The following ELFN2 variants were observed in gnomAD, a reference collection of about 807,000 sequenced individuals.
ELFN2 encodes the protein protein phosphatase 1 regulatory subunit 29.
ELFN2 carries 17 observed loss-of-function variants against 45.5 expected under a neutral mutation model. The observed-to-expected ratio is 0.37, with a 90% CI of 0.26 to 0.56. The LOEUF (loss-of-function observed/expected upper bound fraction) is 0.56. ELFN2 is among the 20% of genes least tolerant of loss of function. The pLI, the probability that ELFN2 is intolerant of heterozygous loss-of-function variation, is 0.77. For synonymous variants in ELFN2, 550 were observed against 551.5 expected (o/e 1.00, Z 0.04); for missense variants, 922 against 1,183.2 (o/e 0.78, Z 3.24).
At chr22:37,418,162 G>A (rs1932780652) in intron 1 of ELFN2, among the ~76,000 whole-genome samples, 1 of 152,102 alleles carries the variant, frequency 6.6e-6, no homozygotes, top group African/African-American at 2.4e-5. Flanking sequence ...GACAGAGATA[G>A]AGAGATGGGG....
In ELFN2 at chr22:37,417,991, G is replaced by A. The variant is rs1288557847; in HGVS notation, c.-613-72C>T. 2 of 152,348 alleles carry A rather than the reference G, an allele frequency of 1.3e-5. No homozygotes were observed. Among genetic ancestry groups the A allele is most frequent in the Non-Finnish European group, 2.9e-5 (2 of 68,140 alleles). 9.4% of individuals were successfully genotyped at this position (152,348 alleles called of 1,614,324 possible). ...AGGAGAGGGAGGGGGGACAGCAGGAGGGAGGGAGGAGGGAAAAATGCTGAA... is the reference window on the plus strand; with the variant it reads ...AGGAGAGGGAGGGGGGACAGCAGGAAGGAGGGAGGAGGGAAAAATGCTGAA... On this transcript the variant is annotated intron_variant, in intron 1 of 2. Coordinates refer to ENST00000402918, the MANE Select transcript of ELFN2 (RefSeq NM_052906.5). The surrounding 1 kb of genome is among the most constrained non-coding windows in gnomAD (Gnocchi z 4.5).
intron 1 of ELFN2, among the ~76,000 whole-genome samples, chr22:37,421,268 G>A (rs774753574): frequency 1.3e-5 from 2 of 152,126 alleles, no homozygotes; most frequent in Non-Finnish European, 2.9e-5. Flanking sequence ...CCCCACCCAG[G>A]GGTAGGCAGG....
At chr22:37,352,335 T>TG in intron 1 of ELFN2, 1 of 150,990 alleles carries the variant, frequency 6.6e-6, no homozygotes, top group East Asian at 1.9e-4. Context: ...CAGCAGCCTT[T>TG]GGGGAACCGT....
rs549582968 is a variant in ELFN2, at chr22:37,370,990, G to A, written c.*2082C>T. 1.3e-5 allele frequency: 2 copies of A among 151,968 alleles called. No individual in the cohort carries two copies. The highest frequency in any genetic ancestry group is 6.5e-5 in the Admixed American group (1 of 15,288). 9.4% of individuals were successfully genotyped at this position (151,968 alleles called of 1,614,324 possible). ...GGAGGGGTTGGGGGGCAGGTTTTGG[G>A]GGCCGGGGGAGGAGGTCTGCTCCGC... is the stretch of plus-strand genomic sequence containing the variant. On this transcript the variant is annotated 3_prime_UTR_variant, in exon 3 of 3. Coordinates refer to ENST00000402918, the MANE Select transcript of ELFN2 (RefSeq NM_052906.5).
At chr22:37,356,575 G>A (rs1371081518) in intron 1 of ELFN2, among the ~76,000 whole-genome samples, 2 of 152,148 alleles carry the variant, frequency 1.3e-5, no homozygotes, top group African/African-American at 2.4e-5. Flanking sequence ...AGGCGTGAAC[G>A]TCTTTCCTCT....
chr22:37,403,600 G>A (rs1932420497), intron 2 of ELFN2, among the ~76,000 whole-genome samples: 2 of 152,110 alleles, frequency 1.3e-5, no homozygotes, highest in Non-Finnish European at 2.9e-5. Context: ...GCGGCCTCGG[G>A]GTCTAGCGAG....
At chr22:37,360,413 C>T (rs530764344) in intron 1 of ELFN2, among the ~76,000 whole-genome samples, 52 of 152,338 alleles carry the variant, frequency 3.4e-4, no homozygotes, top group Middle Eastern at 3.4e-3. Context: ...AGAACTCAAA[C>T]GGCCTCATGC....
At chr22:37,376,103 G>A (rs976774499) in intron 2 of ELFN2, 107 bp from the exon 3 acceptor site, 1 of 140,478 alleles carries the variant, frequency 7.1e-6, no homozygotes, top group Admixed American at 7.4e-5. Context: ...CCCGTCCCAG[G>A]GCCTCTGTGC....
intron 2 of ELFN2, among the ~76,000 whole-genome samples, chr22:37,394,164 G>A (rs73884028): frequency 0.024 from 3,698 of 152,160 alleles, 150 homozygotes; most frequent in African/African-American, 0.084. Flanking sequence ...TCCAAATTAT[G>A]TCTGACTCCA....
intron 1 of ELFN2, among the ~76,000 whole-genome samples, chr22:37,351,101 C>G (rs1029158017): frequency 6.7e-6 from 1 of 150,202 alleles, no homozygotes; most frequent in African/African-American, 2.4e-5. Flanking sequence ...TCCTCCCTTG[C>G]GGTCCCCTGG....
intron 2 of ELFN2, among the ~76,000 whole-genome samples, chr22:37,403,845 A>G (rs1264041742): frequency 6.6e-6 from 1 of 152,216 alleles, no homozygotes; most frequent in Non-Finnish European, 1.5e-5. Flanking sequence ...AGAATGAGAG[A>G]GCCTTGGGTT....
intron 2 of ELFN2, among the ~76,000 whole-genome samples, chr22:37,401,168 A>AG (rs1205465650): frequency 1.3e-5 from 2 of 152,240 alleles, no homozygotes; most frequent in African/African-American, 4.8e-5. Flanking sequence ...CCTAGCTCTC[A>AG]GGCCTATTGG....
At chr22:37,395,411 T>C (rs912570219) in intron 2 of ELFN2, among the ~76,000 whole-genome samples, 2 of 152,162 alleles carry the variant, frequency 1.3e-5, no homozygotes, top group Non-Finnish European at 2.9e-5. Context: ...ACTGTTATTC[T>C]ACCCATCTGA....
chr22:37,376,879 T>C (rs969285638), intron 2 of ELFN2, among the ~76,000 whole-genome samples: 4 of 152,170 alleles, frequency 2.6e-5, no homozygotes, highest in Admixed American at 6.5e-5. Flanking sequence ...CTTCCATGGC[T>C]GGAGAGTCAG....
intron 2 of ELFN2, among the ~76,000 whole-genome samples, chr22:37,391,133 C>A (rs187832684): frequency 5.3e-5 from 8 of 152,320 alleles, no homozygotes; most frequent in Non-Finnish European, 1.0e-4. Context: ...CTGGTTGGGG[C>A]TCTGGTGGGG....
chr22:37,358,220 G>T (rs531803071), intron 1 of ELFN2, among the ~76,000 whole-genome samples: 1 of 152,226 alleles, frequency 6.6e-6, no homozygotes, highest in Admixed American at 6.5e-5. Context: ...CCTAGAAACA[G>T]CTTTGTCACT....
At chr22:37,384,875 A>T (rs1931902561) in intron 2 of ELFN2, 1 of 150,802 alleles carries the variant, frequency 6.6e-6, no homozygotes, top group Admixed American at 6.6e-5. Flanking sequence ...CCGCTCTTTC[A>T]CCAGTGCCTG....
In ELFN2 at chr22:37,405,595, G is replaced by A. The variant is rs555682604; in HGVS notation, c.-463+12174C>T. 2.1e-4 allele frequency among the ~76,000 whole-genome samples: 32 copies of A among 152,230 alleles called. No homozygotes were observed. The South Asian group carries it at 6.4e-3, about 31-fold the overall frequency. On this transcript the variant is annotated intron_variant, in intron 2 of 2. Coordinates refer to ENST00000402918, the MANE Select transcript of ELFN2 (RefSeq NM_052906.5). The stretch of plus-strand genomic sequence containing the variant: ...AGTGACCCAAGAAGGGGGATGTGCT[G>A]ATGCCCGAATAAGAAACAAGAAAGA...
At position 37,350,534 on chromosome 22, in the gene ELFN2, C is replaced by T. The variant is rs1387305004; in HGVS notation, n.149-7831G>A. On this transcript the variant is annotated intron_variant and non_coding_transcript_variant, in intron 1 of 2. Transcript: ENST00000452946. ...TAGAGACAGCCGCAGGCCCTATCCC[C>T]TCTTTCCCTGCCTCCCCACCGCAGG... 3.3e-5 allele frequency among the ~76,000 whole-genome samples: 5 copies of T among 150,670 alleles called. 1 individual carries two copies. The highest frequency in any genetic ancestry group is 7.4e-5 in the Non-Finnish European group (5 of 67,122).
Sources: allele counts gnomAD v4.1 joint callset (sites outside exome capture counted in the v4.1 genomes callset), GRCh38; gene constraint gnomAD v4.1.1; non-coding constraint Gnocchi (gnomAD v3.1); transcripts MANE v1.5; gene names NCBI Gene and HGNC (gene_info 2026-07-23, HGNC 2026-07-21).